TBC1D9B: variants seen among roughly 807,000 people sequenced by gnomAD.
The protein encoded by TBC1D9B is TBC1 domain family member 9B.
TBC1D9B carries 87 observed loss-of-function variants against 121.1 expected under a neutral mutation model. That is an observed-to-expected ratio of 0.72 (90% confidence interval 0.60 to 0.86). TBC1D9B has a LOEUF of 0.86. TBC1D9B is among the 40% of genes least tolerant of loss of function. The pLI, the probability that TBC1D9B is intolerant of heterozygous loss-of-function variation, is 0.00. For missense variants in TBC1D9B, 1,540 were observed against 1,628.6 expected, an observed-to-expected ratio of 0.95 and a Z score of 0.94; for synonymous variants, 668 against 670.1, an observed-to-expected ratio of 1.00 and a Z score of 0.05.
intron 10 of TBC1D9B, 107 bp from the exon 11 acceptor site, chr5:179,876,144 T>C (rs1335588246): frequency 1.3e-6 from 1 of 767,344 alleles, no homozygotes; most frequent in East Asian, 3.2e-5. Flanking sequence ...GCCCACATGA[T>C]CTTCTTTTTG....
intron 1 of TBC1D9B, among the ~76,000 whole-genome samples, chr5:179,906,233 G>A (rs155795): frequency 6.6e-6 from 1 of 152,008 alleles, no homozygotes; most frequent in African/African-American, 2.4e-5. Context: ...CACAGGGAAG[G>A]CCCTGTCAGA....
rs773320563 is a variant in TBC1D9B, at chr5:179,893,340, G to A, written c.705C>T (p.Gly235=). ...ACTGCTCCATGAGCTTGAAGGTCTC[G>A]CCGATGTTGAGGAACATGGAGAAGA... ...ELFFSMFLNI[G]ETFKLMEQLA... Residue 235 remains glycine (G), a synonymous_variant, in exon 5 of 21, where the codon GGC becomes GGT. Coordinates refer to ENST00000355235, the MANE Select transcript of TBC1D9B (RefSeq NM_015043.4). 1.1e-5 allele frequency: 18 copies of A among 1,614,144 alleles called. No homozygotes were observed. Among genetic ancestry groups the A allele is most frequent in the Non-Finnish European group, 1.4e-5 (16 of 1,180,036 alleles).
At chr5:179,887,474 G>A (rs1450580686) in intron 7 of TBC1D9B, among the ~76,000 whole-genome samples, 1 of 152,260 alleles carries the variant, frequency 6.6e-6, no homozygotes, top group Non-Finnish European at 1.5e-5. Flanking sequence ...AGACTCTATG[G>A]CACAAGTGAC....
At chr5:179,876,143 ATCT>A (rs1465955934) in intron 10 of TBC1D9B, 106 bp from the exon 11 acceptor site, 2 of 769,970 alleles carry the variant, frequency 2.6e-6, no homozygotes, top group East Asian at 3.2e-5. Flanking sequence ...GGCCCACATG[ATCT>A]TCTTTTTGTT....
intron 3 of TBC1D9B, among the ~76,000 whole-genome samples, chr5:179,897,345 C>T (rs1761051203): frequency 6.7e-6 from 1 of 150,252 alleles, no homozygotes; most frequent in Admixed American, 6.6e-5. Context: ...TGGAGTCTCG[C>T]TCTGTTGCCC....
chr5:179,893,077 C>T (rs1315438188), intron 5 of TBC1D9B, 132 bp downstream of exon 5: 47 of 1,329,160 alleles, frequency 3.5e-5, no homozygotes, highest in Non-Finnish European at 4.4e-5. Context: ...GGCTTCCTTC[C>T]CAAGTGGGGA....
intron 14 of TBC1D9B, 128 bp from the exon 15 acceptor site, chr5:179,871,658 C>T: frequency 1.0e-6 from 1 of 963,348 alleles, no homozygotes; most frequent in Non-Finnish European, 1.6e-6. Flanking sequence ...TGGCCCAGCA[C>T]TCAAGGGCGG....
intron 15 of TBC1D9B, 199 bp from the exon 16 acceptor site, chr5:179,870,694 T>C (rs996982826): frequency 8.5e-6 from 7 of 821,182 alleles, no homozygotes; most frequent in African/African-American, 5.2e-5. Context: ...GGGGAGGGGG[T>C]TGGCTGAGAG....
Position 179,879,779 on chromosome 5 carries a change from G to C in TBC1D9B, c.1265C>G (p.Ala422Gly). 2 of 1,610,780 alleles carry C rather than the reference G, an allele frequency of 1.2e-6. No homozygotes were observed. Among genetic ancestry groups the C allele is most frequent in the Non-Finnish European group, 1.7e-6 (2 of 1,178,586 alleles). The change falls in exon 8 of 21, where the codon GCT becomes GGT. Residue 422 changes from alanine to glycine, a missense_variant. Coordinates refer to ENST00000355235, the MANE Select transcript of TBC1D9B (RefSeq NM_015043.4). ...GGGCTGCTCCGACCCCTCCTGAGGA[G>C]CTGGGGAAGACTAGAAAATAAAACA... Reference protein sequence around the residue: ...VVDPSTESSPAPQEGSEQPAS... With the variant: ...VVDPSTESSPGPQEGSEQPAS...
rs200698911 is a variant in TBC1D9B at position 179,899,176 on chromosome 5, G to C, written c.348+13C>G. ...GGGAAGGGTGAGAACAGAGAGTGGC[G>C]GGTAAACCTTACGTGTATCTTGCCC... On this transcript the variant is annotated intron_variant, in intron 3 of 20. Transcript: ENST00000355235. 1 of 1,570,292 alleles carries C rather than the reference G, an allele frequency of 6.4e-7. No individual in the cohort carries two copies. The highest frequency in any genetic ancestry group is 8.7e-7 in the Non-Finnish European group (1 of 1,153,366).
chr5:179,883,420 T>A (rs1232255945), intron 7 of TBC1D9B, among the ~76,000 whole-genome samples: 2 of 152,198 alleles, frequency 1.3e-5, no homozygotes, highest in African/African-American at 2.4e-5. Context: ...TCTGGACAAC[T>A]TCTTCTCTAT....
chr5:179,879,030 G>T lies in TBC1D9B; in HGVS notation c.1567+17C>A. The T allele has an allele frequency of 6.3e-7, 1 of 1,597,904 alleles. No individual in the cohort carries two copies. On this transcript the variant is annotated intron_variant, in intron 9 of 20. Coordinates refer to ENST00000355235, the MANE Select transcript of TBC1D9B (RefSeq NM_015043.4). Reference sequence around the variant, plus strand: ...GACTGGCTGAGCTGAGGCTGGGGGTGGCTGCACCCCACTCACCGGAGAAGA... The same window carrying T: ...GACTGGCTGAGCTGAGGCTGGGGGTTGCTGCACCCCACTCACCGGAGAAGA...
Position 179,878,451 on chromosome 5 carries a change from C to G in TBC1D9B, c.1640G>C (p.Ser547Thr). 1 of 1,612,792 alleles carries G rather than the reference C, an allele frequency of 6.2e-7. No homozygotes were observed. The highest frequency in any genetic ancestry group is 8.5e-7 in the Non-Finnish European group (1 of 1,179,490). Residue 547 changes from serine (S) to threonine (T), a missense_variant, in exon 10 of 21, where the codon AGC becomes ACC. Ser to Thr is a moderately conservative substitution (Grantham distance 58). Coordinates refer to ENST00000355235, the MANE Select transcript of TBC1D9B (RefSeq NM_015043.4). Reference sequence around the variant, plus strand: ...TCGCTCGATCTCCTCTGTGGCCAGGCTGTACTTCCCGGTGGACTTCTCCAC... The same window carrying G: ...TCGCTCGATCTCCTCTGTGGCCAGGGTGTACTTCCCGGTGGACTTCTCCAC... ...ELVEKSTGKY[S>T]LATEEIERDL...
rs1393663708 is a variant in TBC1D9B, at chr5:179,907,523, C to A, written c.118+181G>T. On this transcript the variant is annotated intron_variant, in intron 1 of 20. Transcript: ENST00000355235. This position sits in a 1 kb window ranked among gnomAD's most constrained non-coding sequence, Gnocchi z 5.3. ...CCAGCCCCTCGCCTCCCCGCCCCGG[C>A]CCCTCCGCGCCCGGCTCCCGGGTCC... Among the ~76,000 whole-genome samples, 1 of 150,046 alleles carries A rather than the reference C, an allele frequency of 6.7e-6. No individual in the cohort carries two copies. The highest frequency in any genetic ancestry group is 1.5e-5 in the Non-Finnish European group (1 of 67,358).
Position 179,863,839 on chromosome 5 carries a change from G to A in TBC1D9B, c.3311C>T (p.Pro1104Leu), listed in dbSNP as rs1278731685. Residue 1104 changes from proline (P) to leucine (L), a missense_variant, in exon 21 of 21, where the codon CCA becomes CTA. Pro to Leu is a moderately conservative substitution (Grantham distance 98, BLOSUM62 -3). Transcript: ENST00000355235. The surrounding 1 kb of genome is among the most constrained non-coding windows in gnomAD (Gnocchi z 4.5). Reference sequence around the variant, plus strand: ...CTCCACCACCACCTGGCTCTCCTGTGGGGCTTTTCCGAGGTGTGTGTCTCC... The same window carrying A: ...CTCCACCACCACCTGGCTCTCCTGTAGGGCTTTTCCGAGGTGTGTGTCTCC... ...AGGDTHLGKAPQESQVVVEGG... is the reference protein window; with the variant it reads ...AGGDTHLGKALQESQVVVEGG... 6.2e-7 allele frequency: 1 copy of A among 1,613,610 alleles called. No individual in the cohort carries two copies. Among genetic ancestry groups the A allele is most frequent in the East Asian group, 2.2e-5 (1 of 44,858 alleles).
rs1760877864 is a variant in TBC1D9B at position 179,891,875 on chromosome 5, T to C, written c.837-289A>G. Among the ~76,000 whole-genome samples the C allele has an allele frequency of 1.3e-5, 2 of 152,160 alleles. No homozygotes were observed. The highest frequency in any genetic ancestry group is 2.9e-5 in the Non-Finnish European group (2 of 67,964). On this transcript the variant is annotated intron_variant, in intron 5 of 20. Coordinates refer to ENST00000355235, the MANE Select transcript of TBC1D9B (RefSeq NM_015043.4). This position sits in a 1 kb window ranked among gnomAD's most constrained non-coding sequence, Gnocchi z 4.3. ...CACACCTAGATGCTGGCCTGGGCAA[T>C]GTGCAACCCATCCCTCGGTACTGAT...
chr5:179,868,524 T>C (rs1760088804), intron 17 of TBC1D9B: 1 of 152,214 alleles, frequency 6.6e-6, no homozygotes. Flanking sequence ...TCAACACAAT[T>C]AGGAGTCCAG....
intron 3 of TBC1D9B, among the ~76,000 whole-genome samples, chr5:179,895,440 C>T (rs778422018): frequency 5.3e-5 from 8 of 152,164 alleles, no homozygotes; most frequent in Non-Finnish European, 1.0e-4. Flanking sequence ...TCCTGGAGGA[C>T]GTCCTGCACT....
chr5:179,879,290 C>T, intron 8 of TBC1D9B, 93 bp from the exon 9 acceptor site: 1 of 1,484,142 alleles, frequency 6.7e-7, no homozygotes, highest in Non-Finnish European at 9.0e-7. Flanking sequence ...ACACTCCAGA[C>T]AGTGCTGGCC....
Sources: gnomAD v4.1 joint callset for allele counts (sites outside exome capture counted in the v4.1 genomes callset) on GRCh38, gnomAD v4.1.1 for gene constraint, Gnocchi (gnomAD v3.1) non-coding constraint, MANE v1.5 for transcripts, NCBI Gene and HGNC (gene_info 2026-07-23, HGNC 2026-07-21) for gene names.